The following GRIK2 variants were observed in gnomAD, a reference collection of about 807,000 sequenced individuals.
GRIK2 encodes the protein glutamate ionotropic receptor kainate type subunit 2.
A neutral mutation model predicts 100.3 loss-of-function variants in GRIK2; 32 were observed. The ratio of observed to expected loss-of-function variants is 0.32; its 90% CI spans 0.24 to 0.43. GRIK2 has a LOEUF of 0.43. GRIK2 is among the 20% of genes least tolerant of loss of function. The pLI, the probability that GRIK2 is intolerant of heterozygous loss-of-function variation, is 1.00. For synonymous variants in GRIK2, 417 were observed against 389.4 expected (o/e 1.07, Z -0.83); for missense variants, 843 against 1,114.9 (o/e 0.76, Z 3.47).
At chr6:101,410,331 A>T (rs1775830239) in intron 2 of GRIK2, among the ~76,000 whole-genome samples, 1 of 152,126 alleles carries the variant, frequency 6.6e-6, no homozygotes, top group African/African-American at 2.4e-5. Context: ...GTGTTGATTC[A>T]GGAAAGTTTC....
chr6:101,898,085 C>CT (rs947560255), intron 12 of GRIK2, among the ~76,000 whole-genome samples: 1 of 151,604 alleles, frequency 6.6e-6, no homozygotes, highest in African/African-American at 2.4e-5. Flanking sequence ...CATTTATTAC[C>CT]TTTTTTTAAA....
intron 14 of GRIK2, among the ~76,000 whole-genome samples, chr6:102,029,988 G>T (rs1769900796): frequency 6.6e-6 from 1 of 151,018 alleles, no homozygotes; most frequent in African/African-American, 2.4e-5. Flanking sequence ...CTGTATTTTT[G>T]TGTATGTGGT....
At chr6:101,599,759 TG>T (rs1359258948) in intron 2 of GRIK2, among the ~76,000 whole-genome samples, 1 of 151,860 alleles carries the variant, frequency 6.6e-6, no homozygotes, top group Non-Finnish European at 1.5e-5. Flanking sequence ...GGTTGTTTTT[TG>T]CTTGTTCAAT....
At chr6:101,675,304 C>A (rs1416072988) in intron 4 of GRIK2, among the ~76,000 whole-genome samples, 1 of 82,956 alleles carries the variant, frequency 1.2e-5, no homozygotes, top group Non-Finnish European at 3.2e-5. Flanking sequence ...GACACACACA[C>A]ACCACACACA....
chr6:101,818,335 T>C (rs371470629), intron 9 of GRIK2, 35 bp from the exon 10 acceptor site: 5 of 1,184,984 alleles, frequency 4.2e-6, no homozygotes, highest in Non-Finnish European at 5.0e-6. Context: ...ACGTGCCTGA[T>C]GGACAATTTA....
chr6:101,849,653 A>T (rs1784002036), intron 10 of GRIK2, among the ~76,000 whole-genome samples: 2 of 151,954 alleles, frequency 1.3e-5, no homozygotes, highest in African/African-American at 4.8e-5. Context: ...GACTGAACAC[A>T]CTGCTCAGAA....
intron 15 of GRIK2, among the ~76,000 whole-genome samples, chr6:102,044,052 T>C (rs1179537140): frequency 6.6e-6 from 1 of 151,904 alleles, no homozygotes; most frequent in Non-Finnish European, 1.5e-5. Context: ...AGCATGAAAA[T>C]GGGCTCATAC....
At chr6:101,691,488 G>A (rs1176977764) in intron 7 of GRIK2, among the ~76,000 whole-genome samples, 1 of 151,764 alleles carries the variant, frequency 6.6e-6, no homozygotes, top group Admixed American at 6.6e-5. Flanking sequence ...GCTAAAGATG[G>A]GTTTTCACCA....
chr6:101,753,340 CT>C (rs1776920874), intron 7 of GRIK2, among the ~76,000 whole-genome samples: 1 of 149,862 alleles, frequency 6.7e-6, no homozygotes, highest in Admixed American at 6.6e-5. Context: ...TTCCAAAACA[CT>C]TTTGCTGCAA....
intron 15 of GRIK2, among the ~76,000 whole-genome samples, chr6:102,051,647 T>C (rs1345118475): frequency 6.6e-6 from 1 of 152,110 alleles, no homozygotes; most frequent in Non-Finnish European, 1.5e-5. Flanking sequence ...CCTGTGACCA[T>C]ATAGTCTCAC....
intron 4 of GRIK2, among the ~76,000 whole-genome samples, chr6:101,637,079 C>G (rs898735075): frequency 6.6e-6 from 1 of 151,976 alleles, no homozygotes; most frequent in African/African-American, 2.4e-5. Context: ...CCATTTATTC[C>G]CATTGTCATA....
At chr6:101,710,591 A>C (rs185901478) in intron 7 of GRIK2, among the ~76,000 whole-genome samples, 194 of 151,970 alleles carry the variant, frequency 1.3e-3, no homozygotes, top group Non-Finnish European at 2.2e-3. Context: ...ACACTTTATA[A>C]TAACTAAAGG....
At chr6:101,676,080 C>A (rs989899252) in intron 4 of GRIK2, among the ~76,000 whole-genome samples, 1 of 151,990 alleles carries the variant, frequency 6.6e-6, no homozygotes, top group Admixed American at 6.6e-5. Context: ...CTTACAAGGC[C>A]CTCTAAGGCA....
intron 2 of GRIK2, among the ~76,000 whole-genome samples, chr6:101,515,427 T>C (rs1774535392): frequency 6.6e-6 from 1 of 152,176 alleles, no homozygotes; most frequent in African/African-American, 2.4e-5. Flanking sequence ...TCTGGGTAGA[T>C]ACCCAGTAGT....
chr6:101,675,991 A>T (rs1444003136), intron 4 of GRIK2, among the ~76,000 whole-genome samples: 1 of 152,164 alleles, frequency 6.6e-6, no homozygotes, highest in Admixed American at 6.5e-5. Context: ...AGTTTCTAAT[A>T]ATAGGGAATA....
At chr6:101,417,363 A>G (rs1168434107) in intron 2 of GRIK2, among the ~76,000 whole-genome samples, 3 of 152,168 alleles carry the variant, frequency 2.0e-5, no homozygotes, top group African/African-American at 7.2e-5. Context: ...GTGAAGTTCC[A>G]TGTGGCTTGT....
At chr6:101,481,725 G>A (rs1467441325) in intron 2 of GRIK2, among the ~76,000 whole-genome samples, 1 of 152,050 alleles carries the variant, frequency 6.6e-6, no homozygotes, top group Non-Finnish European at 1.5e-5. Context: ...AGAAGTGCTT[G>A]GTGTTTTATC....
At chr6:101,976,450 A>G (rs2128487735) in intron 14 of GRIK2, among the ~76,000 whole-genome samples, 1 of 152,056 alleles carries the variant, frequency 6.6e-6, no homozygotes. Flanking sequence ...TAAACCCAGC[A>G]CTTTGTGGGC....
intron 14 of GRIK2, among the ~76,000 whole-genome samples, chr6:101,995,749 T>C (rs927194986): frequency 2.0e-5 from 3 of 151,880 alleles, no homozygotes; most frequent in African/African-American, 7.2e-5. Context: ...ACATAATCTT[T>C]CCAAATTACC....
Sources: gnomAD v4.1 joint callset for allele counts (sites outside exome capture counted in the v4.1 genomes callset) on GRCh38, gnomAD v4.1.1 for gene constraint, MANE v1.5 for transcripts, NCBI Gene and HGNC (gene_info 2026-07-23, HGNC 2026-07-21) for gene names.